Variants in SLC16A12 observed in about 807,000 individuals in gnomAD.
SLC16A12 encodes monocarboxylate transporter 12.
In SLC16A12, 17 loss-of-function variants were observed where a neutral mutation model predicts 42.4. That is an observed-to-expected ratio of 0.40 (90% CI 0.27 to 0.60). The LOEUF (loss-of-function observed/expected upper bound fraction) is 0.60. Ranked by LOEUF, SLC16A12 falls within the 20% of genes least tolerant of loss-of-function variation. The probability of loss-of-function intolerance (pLI) is 0.42; values close to 1 mark genes in which losing one functional copy is unlikely to be tolerated. For missense variants in SLC16A12, 544 were observed against 623.0 expected (o/e 0.87, Z 1.35); for synonymous variants, 224 against 229.4 (o/e 0.98, Z 0.21).
intron 5 of SLC16A12, among the ~76,000 whole-genome samples, chr10:89,440,073 C>CAA (rs10674171): frequency 0.19 from 5,997 of 31,386 alleles, 1,668 homozygotes; most frequent in Non-Finnish European, 0.23. Flanking sequence ...GACCCTGTCT[C>CAA]AAAAAAAAAA....
At chr10:89,519,843 G>A (rs551060566) in intron 2 of SLC16A12, among the ~76,000 whole-genome samples, 13 of 152,214 alleles carry the variant, frequency 8.5e-5, no homozygotes, top group East Asian at 1.9e-4. Flanking sequence ...GGCCGGGTGC[G>A]GTGGCTCATG....
chr10:89,482,782 TAA>T (rs397846442), intron 2 of SLC16A12, among the ~76,000 whole-genome samples: 10 of 126,036 alleles, frequency 7.9e-5, no homozygotes, highest in Admixed American at 1.6e-4. Context: ...AGACCCTGTC[TAA>T]AAAAAAAAAA....
intron 2 of SLC16A12, among the ~76,000 whole-genome samples, chr10:89,464,056 A>AGG (rs1447538451): frequency 6.6e-6 from 1 of 152,178 alleles, no homozygotes; most frequent in African/African-American, 2.4e-5. Context: ...TCACTCTCCC[A>AGG]CTGTCCTTGA....
intron 2 of SLC16A12, among the ~76,000 whole-genome samples, chr10:89,513,812 G>T (rs1043565186): frequency 6.6e-6 from 1 of 152,114 alleles, no homozygotes; most frequent in Admixed American, 6.6e-5. Flanking sequence ...TGGTTAAATG[G>T]GCATTCTTAA....
At chr10:89,441,992 G>A (rs1841920101) in intron 4 of SLC16A12, among the ~76,000 whole-genome samples, 1 of 152,154 alleles carries the variant, frequency 6.6e-6, no homozygotes, top group Admixed American at 6.5e-5. Context: ...GTTATTTCAC[G>A]CCCTTACTCT....
At chr10:89,441,512 T>A (rs7918159) in intron 4 of SLC16A12, among the ~76,000 whole-genome samples, 1 of 152,204 alleles carries the variant, frequency 6.6e-6, no homozygotes, top group African/African-American at 2.4e-5. Context: ...ATAGTCATAA[T>A]GGCAGGACGG....
At chr10:89,493,168 C>T (rs1183224676) in intron 2 of SLC16A12, among the ~76,000 whole-genome samples, 2 of 152,096 alleles carry the variant, frequency 1.3e-5, no homozygotes, top group African/African-American at 2.4e-5. Flanking sequence ...ATCTAAATCC[C>T]ACCCTTGAGG....
chr10:89,543,418 G>C (rs1843727061), intron 2 of SLC16A12, among the ~76,000 whole-genome samples: 1 of 152,092 alleles, frequency 6.6e-6, no homozygotes, highest in East Asian at 1.9e-4. Flanking sequence ...TTGCTAGCTG[G>C]GTGATTTGGG....
intron 2 of SLC16A12, among the ~76,000 whole-genome samples, chr10:89,482,072 A>C (rs775836941): frequency 6.6e-6 from 1 of 152,118 alleles, no homozygotes; most frequent in African/African-American, 2.4e-5. Context: ...AGAGAAAATA[A>C]ATTTTTTGAA....
chr10:89,538,013 A>G (rs1473384025), upstream of SLC16A12, among the ~76,000 whole-genome samples: 1 of 152,260 alleles, frequency 6.6e-6, no homozygotes, highest in Non-Finnish European at 1.5e-5. Context: ...AGTGCCGGAT[A>G]CAGACGGGTC....
At chr10:89,455,803 G>T (rs1405406622) in intron 3 of SLC16A12, among the ~76,000 whole-genome samples, 1 of 152,100 alleles carries the variant, frequency 6.6e-6, no homozygotes, top group Non-Finnish European at 1.5e-5. Context: ...ATCCCTCAGG[G>T]CCTCAGTTTC....
chr10:89,529,859 C>CTT (rs1020400893), intron 2 of SLC16A12, among the ~76,000 whole-genome samples: 3 of 152,130 alleles, frequency 2.0e-5, no homozygotes, highest in African/African-American at 7.2e-5. Flanking sequence ...CCTTTACAGT[C>CTT]TTAAGTGACT....
chr10:89,509,313 T>A (rs954126160), intron 2 of SLC16A12, among the ~76,000 whole-genome samples: 5 of 152,044 alleles, frequency 3.3e-5, no homozygotes, highest in Admixed American at 1.3e-4. Flanking sequence ...TAGACCAATA[T>A]CCCTGACGAA....
At chr10:89,476,306 A>C (rs1453921293) in intron 2 of SLC16A12, among the ~76,000 whole-genome samples, 1 of 152,096 alleles carries the variant, frequency 6.6e-6, no homozygotes, top group Admixed American at 6.6e-5. Flanking sequence ...ATACCACGAT[A>C]TTTCCTTCAC....
chr10:89,462,790 T>C, intron 2 of SLC16A12, 166 bp from the exon 3 acceptor site: 1 of 722,052 alleles, frequency 1.4e-6, no homozygotes, highest in Non-Finnish European at 2.1e-6. Flanking sequence ...ACATGCTTTC[T>C]TTTTTAAAAA....
intron 2 of SLC16A12, among the ~76,000 whole-genome samples, chr10:89,471,303 T>C (rs1842490061): frequency 6.6e-6 from 1 of 152,226 alleles, no homozygotes; most frequent in South Asian, 2.1e-4. Context: ...ATTTGCTTTC[T>C]GTCAGTATAA....
At chr10:89,470,192 A>G (rs1842471133) in intron 2 of SLC16A12, among the ~76,000 whole-genome samples, 1 of 152,190 alleles carries the variant, frequency 6.6e-6, no homozygotes, top group Admixed American at 6.5e-5. Flanking sequence ...GTTATAGGGG[A>G]CATTCCCACC....
At chr10:89,546,063 T>C (rs1009767918) in intron 2 of SLC16A12, among the ~76,000 whole-genome samples, 1 of 151,516 alleles carries the variant, frequency 6.6e-6, no homozygotes, top group Non-Finnish European at 1.5e-5. Context: ...AAGACTTAAC[T>C]GTAAAACCCA....
chr10:89,530,750 A>T (rs965414351), intron 2 of SLC16A12, among the ~76,000 whole-genome samples: 2 of 152,072 alleles, frequency 1.3e-5, no homozygotes, highest in Non-Finnish European at 2.9e-5. Context: ...ATGTTGTGCA[A>T]CCACCACCCC....
Sources: allele counts gnomAD v4.1 joint callset (sites outside exome capture counted in the v4.1 genomes callset), GRCh38; gene constraint gnomAD v4.1.1; transcripts MANE v1.5; gene names NCBI Gene and HGNC (gene_info 2026-07-23, HGNC 2026-07-21).